The following NLGN1 variants were observed in gnomAD, a reference collection of about 807,000 sequenced individuals.
NLGN1 encodes the protein neuroligin-1.
A neutral mutation model predicts 65.5 loss-of-function variants in NLGN1; 12 were observed. The ratio of observed to expected loss-of-function variants is 0.18; its 90% CI spans 0.12 to 0.30. NLGN1 has a LOEUF of 0.30. Among genes scored for constraint, NLGN1 ranks in the 10% least tolerant of loss-of-function variants. The pLI, the probability that NLGN1 is intolerant of heterozygous loss-of-function variation, is 1.00. For missense variants in NLGN1, 750 were observed against 1,007.1 expected (o/e 0.74, Z 3.46); for synonymous variants, 350 against 359.5 (o/e 0.97, Z 0.30).
intron 4 of NLGN1, among the ~76,000 whole-genome samples, chr3:173,863,869 A>G (rs1319318278): frequency 3.9e-5 from 6 of 152,202 alleles, no homozygotes; most frequent in African/African-American, 1.4e-4. Flanking sequence ...ATTGGCCATC[A>G]TTGAGCTTTC....
intron 1 of NLGN1, among the ~76,000 whole-genome samples, chr3:173,414,343 T>C (rs1339059587): frequency 6.6e-6 from 1 of 152,174 alleles, no homozygotes; most frequent in Non-Finnish European, 1.5e-5. Context: ...GTAGAGGGCA[T>C]GTCTCCTGCT....
chr3:173,446,534 A>T (rs1720364582), intron 2 of NLGN1, among the ~76,000 whole-genome samples: 1 of 152,200 alleles, frequency 6.6e-6, no homozygotes, highest in Non-Finnish European at 1.5e-5. Context: ...ATACGTGTGC[A>T]TGTGTCTTTA....
At chr3:174,174,733 A>G (rs1729136605) in intron 4 of NLGN1, among the ~76,000 whole-genome samples, 1 of 151,444 alleles carries the variant, frequency 6.6e-6, no homozygotes, top group African/African-American at 2.4e-5. Flanking sequence ...TCCTTGATGC[A>G]TCATCAGGTT....
intron 4 of NLGN1, among the ~76,000 whole-genome samples, chr3:173,986,822 G>A (rs529733625): frequency 1.1e-4 from 17 of 152,246 alleles, no homozygotes; most frequent in Middle Eastern, 3.4e-3. Flanking sequence ...CTCGGGACAC[G>A]ACAGAGCAGG....
At chr3:174,054,250 A>G (rs993787946) in intron 4 of NLGN1, among the ~76,000 whole-genome samples, 7 of 152,042 alleles carry the variant, frequency 4.6e-5, no homozygotes, top group African/African-American at 1.2e-4. Context: ...AAAATGGTAA[A>G]TGGACTTGGT....
chr3:173,880,654 T>C (rs1247153140), intron 4 of NLGN1, among the ~76,000 whole-genome samples: 12 of 152,102 alleles, frequency 7.9e-5, no homozygotes, highest in Non-Finnish European at 1.6e-4. Flanking sequence ...ACTTGTAAAC[T>C]TTTTTGTTCT....
rs968937546 is a variant in NLGN1 at position 173,459,469 on chromosome 3, T to TAC, written c.-321+24392_-321+24393insCA. Among the ~76,000 whole-genome samples the TAC allele has an allele frequency of 4.5e-4, 69 of 152,272 alleles. 1 individual carries two copies. The highest frequency in any genetic ancestry group is 1.6e-3 in the African/African-American group (66 of 41,568). ...ATAAACTCAGTGACATTTCTTTGCT[T>TAC]AATCAGAGGCTACACATGCTAATTT... is the stretch of plus-strand genomic sequence containing the variant. On this transcript the variant is annotated intron_variant, in intron 2 of 6. Coordinates refer to ENST00000457714, the Ensembl canonical transcript of NLGN1.
intron 4 of NLGN1, among the ~76,000 whole-genome samples, chr3:173,848,084 A>T (rs1726152232): frequency 6.6e-6 from 1 of 152,168 alleles, no homozygotes; most frequent in Non-Finnish European, 1.5e-5. Flanking sequence ...TTCAGATTAT[A>T]GAGTCTCCAA....
At chr3:174,146,192 C>A (rs1030857524) in intron 4 of NLGN1, among the ~76,000 whole-genome samples, 2 of 143,578 alleles carry the variant, frequency 1.4e-5, no homozygotes, top group Non-Finnish European at 3.0e-5. Context: ...TCCTTCTATT[C>A]TTTTACACTT....
chr3:173,535,521 T>C (rs560548839), intron 2 of NLGN1, among the ~76,000 whole-genome samples: 1 of 152,194 alleles, frequency 6.6e-6, no homozygotes, highest in Non-Finnish European at 1.5e-5. Context: ...GACAGGACTA[T>C]AGACAGTGCT....
chr3:173,474,991 TTATACA>T (rs1322679480), intron 2 of NLGN1, among the ~76,000 whole-genome samples: 1 of 151,930 alleles, frequency 6.6e-6, no homozygotes, highest in Non-Finnish European at 1.5e-5. Flanking sequence ...AAGACAGAAG[TTATACA>T]TAACAAGCTA....
At chr3:173,929,624 T>A in intron 4 of NLGN1, among the ~76,000 whole-genome samples, 1 of 148,964 alleles carries the variant, frequency 6.7e-6, no homozygotes. Context: ...ATTTCCCAAA[T>A]ATTTTCTGAG....
At position 173,578,235 on chromosome 3, in the gene NLGN1, C is replaced by CA. The variant is rs34436890; in HGVS notation, c.-320-26030dup. 2.5e-3 allele frequency among the ~76,000 whole-genome samples: 317 copies of CA among 128,498 alleles called. 6 individuals are homozygous for CA. Among genetic ancestry groups the CA allele is most frequent in the Non-Finnish European group, 2.7e-3 (165 of 60,392 alleles). 84.3% of individuals were successfully genotyped at this position (128,498 alleles called of 152,430 possible). ...TGGGCGACAGGGCCAGACTCCGTCTCAAAAAAAAAAAAAAGAAGAAGAAGA... is the reference window on the plus strand; with the variant it reads ...TGGGCGACAGGGCCAGACTCCGTCTCAAAAAAAAAAAAAAAGAAGAAGAAGA... On this transcript the variant is annotated intron_variant, in intron 2 of 6. Coordinates refer to ENST00000457714, the Ensembl canonical transcript of NLGN1.
intron 2 of NLGN1, among the ~76,000 whole-genome samples, chr3:173,545,577 T>C (rs564540976): frequency 5.9e-5 from 9 of 152,226 alleles, no homozygotes; most frequent in South Asian, 2.1e-4. Context: ...GGCCCCACCA[T>C]CCATCCCATT....
At chr3:173,863,485 G>C (rs1367073549) in intron 4 of NLGN1, among the ~76,000 whole-genome samples, 1 of 152,058 alleles carries the variant, frequency 6.6e-6, no homozygotes, top group Non-Finnish European at 1.5e-5. Flanking sequence ...AATTTTTTTA[G>C]TGTGCGTATA....
At chr3:173,593,593 C>T (rs888378851) in intron 2 of NLGN1, among the ~76,000 whole-genome samples, 5 of 152,132 alleles carry the variant, frequency 3.3e-5, no homozygotes, top group Admixed American at 6.6e-5. Flanking sequence ...TGAGCCAGGC[C>T]TTGAAAGGTA....
At chr3:174,149,854 G>T (rs1431153257) in intron 4 of NLGN1, among the ~76,000 whole-genome samples, 1 of 151,850 alleles carries the variant, frequency 6.6e-6, no homozygotes, top group African/African-American at 2.4e-5. Flanking sequence ...GAATAACTAG[G>T]TGAAAAAAAG....
chr3:173,915,331 CAATT>C (rs774473222), intron 4 of NLGN1, among the ~76,000 whole-genome samples: 2 of 152,150 alleles, frequency 1.3e-5, no homozygotes, highest in African/African-American at 2.4e-5. Context: ...ATATGAGAAA[CAATT>C]AATTAATTCA....
chr3:173,690,048 CT>C (rs1194086182), intron 3 of NLGN1, among the ~76,000 whole-genome samples: 1 of 152,052 alleles, frequency 6.6e-6, no homozygotes, highest in African/African-American at 2.4e-5. Flanking sequence ...TTTGAAGAAA[CT>C]GAGACTTAGA....
Sources: allele counts gnomAD v4.1 joint callset (sites outside exome capture counted in the v4.1 genomes callset), GRCh38; gene constraint gnomAD v4.1.1; transcripts MANE v1.5; gene names NCBI Gene and HGNC (gene_info 2026-07-23, HGNC 2026-07-21).